Variants in ATG9B observed in about 807,000 individuals in gnomAD.
The protein encoded by ATG9B is autophagy-related protein 9B.
A neutral mutation model predicts 92.9 loss-of-function variants in ATG9B; 92 were observed. That is an observed-to-expected ratio of 0.99 (90% CI 0.84 to 1.18). The LOEUF (loss-of-function observed/expected upper bound fraction) is 1.18. ATG9B is among the 50% of genes most tolerant of loss of function. The pLI is 0.00. For missense variants in ATG9B, 1,344 were observed against 1,235.0 expected (o/e 1.09, Z -1.32); for synonymous variants, 599 against 551.4 (o/e 1.09, Z -1.21).
At position 151,016,694 on chromosome 7, in the gene ATG9B, T is replaced by G; in HGVS notation, c.2417A>C (p.Asp806Ala). ...CTCAGCCTCCACTCCTCACCTGGGG[T>G]CCTGGGCAATTCGGGAAATGGAGGC... is the stretch of plus-strand genomic sequence containing the variant. The part of the protein sequence containing the change: ...LLASISRIAQ[D>A]PSSVSPGGTG... Residue 806 changes from aspartate to alanine, a missense_variant, in exon 10 of 14, where the codon GAC becomes GCC. Physicochemically the swap from Asp to Ala is moderately radical, Grantham distance 126 (BLOSUM62 -2). Coordinates refer to ENST00000639579, the MANE Select transcript of ATG9B (RefSeq NM_001317056.2). 1.9e-6 allele frequency: 3 copies of G among 1,589,124 alleles called. No homozygotes were observed. The Admixed American group carries it at 5.2e-5, about 28-fold the overall frequency.
At chr7:151,013,091 T>TAA, downstream of ATG9B, 2 of 906,270 alleles carry the variant, frequency 2.2e-6, no homozygotes, top group Non-Finnish European at 3.4e-6. Flanking sequence ...CTACACTCTC[T>TAA]TAGAGATGAA....
intron 3 of ATG9B, 47 bp from the exon 4 acceptor site, chr7:151,023,253 CAGCCAGG>C: frequency 6.2e-7 from 1 of 1,612,672 alleles, no homozygotes; most frequent in Non-Finnish European, 8.5e-7. Flanking sequence ...TGATCAGGGA[CAGCCAGG>C]TGGGCTCCTG....
Position 151,016,683 on chromosome 7 carries a change from C to T in ATG9B, c.2423+5G>A. On this transcript the variant is annotated splice_donor_5th_base_variant and intron_variant, in intron 10 of 13. Coordinates refer to ENST00000639579, the MANE Select transcript of ATG9B (RefSeq NM_001317056.2). ...TGCCCCTGCATCTCAGCCTCCACTC[C>T]TCACCTGGGGTCCTGGGCAATTCGG... 2.5e-6 allele frequency: 4 copies of T among 1,578,938 alleles called. No homozygotes were observed. Among genetic ancestry groups the T allele is most frequent in the Admixed American group, 1.8e-5 (1 of 56,148 alleles).
Position 151,024,030 on chromosome 7 carries a change from G to A in ATG9B, c.394C>T (p.Gln132Ter), listed in dbSNP as rs1270465965. Reference protein sequence around the residue: ...LAPATPTPSQQCPQDSPGLRV... With the variant: ...LAPATPTPSQ Reference sequence around the variant, plus strand: ...AGCCCAGGAGAGTCCTGGGGGCACTGCTGTGAGGGAGTGGGGGTTGCCGGG... The same window carrying A: ...AGCCCAGGAGAGTCCTGGGGGCACTACTGTGAGGGAGTGGGGGTTGCCGGG... The change falls in exon 1 of 14, where the codon CAG (glutamine) becomes TAG (stop). Residue 132 changes from glutamine (Q) to a stop codon, truncating the protein, a stop_gained. Transcript: ENST00000639579. LOFTEE classifies it high-confidence loss of function. The A allele has an allele frequency of 1.3e-6, 2 of 1,592,336 alleles. No homozygotes were observed. Among genetic ancestry groups the A allele is most frequent in the Non-Finnish European group, 1.7e-6 (2 of 1,169,520 alleles).
intron 5 of ATG9B, 51 bp downstream of exon 5, chr7:151,021,137 C>T: frequency 6.2e-7 from 1 of 1,601,764 alleles, no homozygotes. Flanking sequence ...CCCCTCTCCT[C>T]TGCCCACCCT....
chr7:151,021,158 C>T, intron 5 of ATG9B, 30 bp downstream of exon 5: 1 of 1,611,860 alleles, frequency 6.2e-7, no homozygotes, highest in Non-Finnish European at 8.5e-7. Context: ...CTCACGGCAC[C>T]CTCTGCACAG....
At chr7:151,013,919 G>A (rs749487829), downstream of ATG9B, 3 of 1,599,318 alleles carry the variant, frequency 1.9e-6, no homozygotes, top group African/African-American at 4.0e-5. Context: ...CGTGCTGCGG[G>A]TGCGGAGGGG....
chr7:151,019,192 C>T lies in ATG9B; in HGVS notation c.1146G>A (p.Pro382=), dbSNP rs770756565. The T allele has an allele frequency of 2.6e-6, 4 of 1,537,164 alleles. No homozygotes were observed. The highest frequency in any genetic ancestry group is 3.5e-6 in the Non-Finnish European group (4 of 1,146,694). ...AAGCCGCACTGCCTCCCCAGGGCAG[C>T]GGGCAGCGGGCCGGCAGCAGGCCTT... ...ANKGLLPARC[P]LPWGGSAAFL... The change falls in exon 6 of 14, where the codon CCG becomes CCA. Residue 382 remains proline, a synonymous_variant. Coordinates refer to ENST00000639579, the MANE Select transcript of ATG9B (RefSeq NM_001317056.2).
downstream of ATG9B, chr7:151,013,142 T>C (rs551224618): frequency 7.0e-4 from 1,007 of 1,443,912 alleles, 1 homozygote; most frequent in Middle Eastern, 3.1e-3. Context: ...AACGCTGGGC[T>C]GCCAGGCTGG....
In ATG9B at chr7:151,018,012, G is replaced by C. The variant is rs564731056; in HGVS notation, c.1911C>G (p.Thr637=). Residue 637 remains threonine (T), a synonymous_variant, in exon 8 of 14, where the codon ACC becomes ACG. Coordinates refer to ENST00000639579, the MANE Select transcript of ATG9B (RefSeq NM_001317056.2). The surrounding 1 kb of genome is among the most constrained non-coding windows in gnomAD (Gnocchi z 4.7). The part of the protein sequence containing the change: ...LLEELLSPLL[T]PLFLLFWFRP... ...GGAACCAGAAAAGCAGAAACAGCGG[G>C]GTGAGGAGCGGGGACAGGAGCTCCT... is the stretch of plus-strand genomic sequence containing the variant. 1.9e-6 allele frequency: 3 copies of C among 1,600,744 alleles called. No homozygotes were observed. Among genetic ancestry groups the C allele is most frequent in the African/African-American group, 2.7e-5 (2 of 74,736 alleles).
intron 9 of ATG9B, 34 bp from the exon 10 acceptor site, chr7:151,016,855 G>A (rs1405673312): frequency 2.5e-6 from 4 of 1,580,566 alleles, no homozygotes; most frequent in Non-Finnish European, 3.4e-6. Context: ...GCCAAAGAGG[G>A]AGTCAGAAGA....
In ATG9B at chr7:151,023,929, T is replaced by A. The variant is rs1795849496; in HGVS notation, c.495A>T (p.Ser165=). The A allele has an allele frequency of 1.3e-6, 2 of 1,595,132 alleles. No homozygotes were observed. ...EDCDPEGSQD[S]PIHGEEQQPL... ...GTTGCTGCTCCTCCCCGTGGATGGG[T>A]GAGTCTTGGGACCCCTCAGGGTCAC... Residue 165 remains serine (S), a synonymous_variant, in exon 1 of 14, where the codon TCA becomes TCT. Transcript: ENST00000639579.
chr7:151,019,480 T>G, intron 5 of ATG9B, 106 bp from the exon 6 acceptor site: 1 of 1,414,608 alleles, frequency 7.1e-7, no homozygotes, highest in Non-Finnish European at 9.2e-7. Context: ...AAACTGAGTT[T>G]GCGATCACAA....
chr7:151,014,148 C>T (rs781344479), downstream of ATG9B: 21 of 1,608,906 alleles, frequency 1.3e-5, no homozygotes, highest in South Asian at 1.9e-4. Context: ...ACCCTCCCGG[C>T]TCAGACACCA....
rs114606837 is a variant in ATG9B at position 151,017,812 on chromosome 7, C to T, written c.2052+59G>A. 7,659 of 1,492,202 alleles carry T rather than the reference C, an allele frequency of 5.1e-3. 317 individuals carry two copies. In the African/African-American group the frequency reaches 0.09, roughly 18 times the overall value. The allele number at this position is 1,492,202 out of a possible 1,614,324, so 92.4% of individuals were successfully genotyped here. A position where few individuals can be genotyped will look rare whatever the true frequency, so the allele number is the denominator to read the frequency against. On this transcript the variant is annotated intron_variant, in intron 8 of 13. Transcript: ENST00000639579. The stretch of plus-strand genomic sequence containing the variant: ...CAGGGCTGGAACTCAGGTCTGCTCC[C>T]GAGAGGCAAGCGAACTCCCACCCAG...
At chr7:151,013,214 C>CGCGGGGTTGCTT, downstream of ATG9B, 1 of 1,606,804 alleles carries the variant, frequency 6.2e-7, no homozygotes. Flanking sequence ...CCTTCCCAAG[C>CGCGGGGTTGCTT]GCGGGGTTGC....
chr7:151,018,327 G>A lies in ATG9B; in HGVS notation c.1839C>T (p.Tyr613=), dbSNP rs746106350. Residue 613 remains tyrosine, a synonymous_variant, in exon 7 of 14, where the codon TAC becomes TAT. Coordinates refer to ENST00000639579, the MANE Select transcript of ATG9B (RefSeq NM_001317056.2). The surrounding 1 kb of genome is among the most constrained non-coding windows in gnomAD (Gnocchi z 4.7). The stretch of plus-strand genomic sequence containing the variant: ...ACTGCAGCAGCTGCGCCATCTGCCG[G>A]TAGGCGCGGTCCCTGCCGCCGGGGC... ...EPGPGGRDRA[Y]RQMAQLLQYR... is the part of the protein sequence containing the mutation. 1 of 1,588,616 alleles carries A rather than the reference G, an allele frequency of 6.3e-7. No individual in the cohort carries two copies. The highest frequency in any genetic ancestry group is 8.5e-7 in the Non-Finnish European group (1 of 1,171,216).
At chr7:151,016,999 G>C in intron 9 of ATG9B, 37 bp downstream of exon 9, 2 of 1,553,192 alleles carry the variant, frequency 1.3e-6, no homozygotes, top group Non-Finnish European at 8.7e-7. Flanking sequence ...GAGTTGTGGG[G>C]GTGAAGGCAG....
intron 1 of ATG9B, 48 bp from the exon 2 acceptor site, chr7:151,023,778 C>G: frequency 1.9e-6 from 3 of 1,613,390 alleles, no homozygotes; most frequent in Non-Finnish European, 2.5e-6. Flanking sequence ...GATCAATTCT[C>G]CACGTTCTCA....
Sources: gnomAD v4.1 joint callset for allele counts on GRCh38, gnomAD v4.1.1 for gene constraint, Gnocchi (gnomAD v3.1) non-coding constraint, MANE v1.5 for transcripts, NCBI Gene and HGNC (gene_info 2026-07-23, HGNC 2026-07-21) for gene names.